FAT2: variants seen among roughly 807,000 people sequenced by gnomAD.
The protein encoded by FAT2 is FAT atypical cadherin 2.
FAT2 carries 150 observed loss-of-function variants against 295.3 expected under a neutral mutation model. The observed-to-expected ratio is 0.51, with a 90% CI of 0.44 to 0.58. The LOEUF (loss-of-function observed/expected upper bound fraction) is 0.58, where lower values mean the gene tolerates loss of function less well. Among genes scored for constraint, FAT2 ranks in the 20% least tolerant of loss-of-function variants. The pLI, the probability that FAT2 is intolerant of heterozygous loss-of-function variation, is 0.00. For synonymous variants in FAT2, 2,026 were observed against 2,150.3 expected, an observed-to-expected ratio of 0.94 and a Z score of 1.60; for missense variants, 4,868 against 5,442.7, an observed-to-expected ratio of 0.89 and a Z score of 3.32.
chr5:151,538,519 T>A (rs917293551), intron 11 of FAT2, among the ~76,000 whole-genome samples: 4 of 152,156 alleles, frequency 2.6e-5, no homozygotes, highest in African/African-American at 9.7e-5. Flanking sequence ...TCATGGCATC[T>A]GAGGGAGTGG....
Position 151,570,424 on chromosome 5 carries a change from C to A in FAT2, c.-20-1473G>T, listed in dbSNP as rs542662711. Among the ~76,000 whole-genome samples, 4 of 152,364 alleles carry A rather than the reference C, an allele frequency of 2.6e-5. No individual in the cohort carries two copies. In the South Asian group the frequency reaches 8.3e-4, roughly 32 times the overall value. ...AGTCGAGATCAGTCAAGCTCCAAGT[C>A]ACACAGTGTGTGGCCGGGTAAGAAC... On this transcript the variant is annotated intron_variant, in intron 1 of 23. Coordinates refer to ENST00000261800, the MANE Select transcript of FAT2 (RefSeq NM_001447.3).
chr5:151,540,871 C>T, intron 10 of FAT2, 108 bp from the exon 11 acceptor site: 1 of 1,017,762 alleles, frequency 9.8e-7, no homozygotes. Flanking sequence ...GTTGGGAAAG[C>T]AAACATTTCC....
rs1754198898 is a variant in FAT2 at position 151,528,022 on chromosome 5, C to A, written c.10138G>T (p.Val3380Leu). The A allele has an allele frequency of 6.2e-7, 1 of 1,614,234 alleles. No individual in the cohort carries two copies. Among genetic ancestry groups the A allele is most frequent in the Non-Finnish European group, 8.5e-7 (1 of 1,180,036 alleles). ...TGTTCCCGGTCCAGGGCCTTGGCCA[C>A]CTGTAGCTCCCCCTTTTTGGGGTGA... ...TIHPKKGELQ[V>L]AKALDREQAS... Residue 3380 changes from valine (V) to leucine (L), a missense_variant, in exon 16 of 24, where the codon GTG (valine) becomes TTG (leucine). Coordinates refer to ENST00000261800, the MANE Select transcript of FAT2 (RefSeq NM_001447.3).
chr5:151,556,201 G>A, intron 4 of FAT2, 143 bp downstream of exon 4: 1 of 698,828 alleles, frequency 1.4e-6, no homozygotes, highest in Non-Finnish European at 2.6e-6. Flanking sequence ...AAGATCCAAG[G>A]ATCATCCAGC....
In FAT2 at chr5:151,572,881, G is replaced by A. The variant is rs138007061; in HGVS notation, c.-20-3930C>T. On this transcript the variant is annotated intron_variant, in intron 1 of 23. Transcript: ENST00000261800. ...GCCACAGACTGTTCCGGGAAGCTGC[G>A]AGCAGGCACTTGTCTGGGGTGGGGC... Among the ~76,000 whole-genome samples, 515 of 152,318 alleles carry A rather than the reference G, an allele frequency of 3.4e-3. 1 individual carries two copies. The highest frequency in any genetic ancestry group is 5.7e-3 in the Non-Finnish European group (388 of 68,026).
At chr5:151,508,005 A>G (rs1324606379) in intron 22 of FAT2, among the ~76,000 whole-genome samples, 2 of 152,190 alleles carry the variant, frequency 1.3e-5, no homozygotes, top group African/African-American at 2.4e-5. Flanking sequence ...CCAGGCACCA[A>G]TGTTCCCTGC....
intron 23 of FAT2, among the ~76,000 whole-genome samples, chr5:151,506,790 A>G (rs563579932): frequency 6.6e-6 from 1 of 152,322 alleles, no homozygotes; most frequent in South Asian, 2.1e-4. Context: ...GCACTTCCAC[A>G]CTGGGCAACC....
At chr5:151,561,073 G>C (rs1004036602) in intron 3 of FAT2, among the ~76,000 whole-genome samples, 1 of 152,226 alleles carries the variant, frequency 6.6e-6, no homozygotes, top group East Asian at 1.9e-4. Context: ...ATAACGTCCT[G>C]TATGATAAAT....
chr5:151,531,562 G>C lies in FAT2; in HGVS notation c.9811+25C>G, dbSNP rs767382741. On this transcript the variant is annotated intron_variant, in intron 14 of 23. Transcript: ENST00000261800. The surrounding 1 kb of genome is among the most constrained non-coding windows in gnomAD (Gnocchi z 5.7). ...CCAGAAACCCTGTACGCGATGCTTTGGGGCTTGGTGGATCAGGCTCTCACC... is the reference window on the plus strand; with the variant it reads ...CCAGAAACCCTGTACGCGATGCTTTCGGGCTTGGTGGATCAGGCTCTCACC... 23 of 1,611,176 alleles carry C rather than the reference G, an allele frequency of 1.4e-5. No individual in the cohort carries two copies. The highest frequency in any genetic ancestry group is 1.9e-5 in the Non-Finnish European group (22 of 1,179,534).
chr5:151,573,122 T>C (rs757625132), intron 1 of FAT2, among the ~76,000 whole-genome samples: 1 of 152,136 alleles, frequency 6.6e-6, no homozygotes, highest in Non-Finnish European at 1.5e-5. Flanking sequence ...ATTTCAAAGA[T>C]GTGGAAGGCA....
chr5:151,565,282 A>G (rs1157054599), intron 2 of FAT2, among the ~76,000 whole-genome samples: 1 of 152,096 alleles, frequency 6.6e-6, no homozygotes, highest in African/African-American at 2.4e-5. Context: ...AATAAAATGA[A>G]CAATATATGA....
In FAT2 at chr5:151,554,645, G is replaced by A. The variant is rs773542893; in HGVS notation, c.3662C>T (p.Ser1221Leu). The A allele has an allele frequency of 6.2e-7, 1 of 1,613,780 alleles. No individual in the cohort carries two copies. Among genetic ancestry groups the A allele is most frequent in the African/African-American group, 1.3e-5 (1 of 74,892 alleles). The change falls in exon 5 of 24, where the codon TCA (serine) becomes TTA (leucine). Residue 1221 changes from serine to leucine, a missense_variant. Physicochemically the swap from Ser to Leu is moderately radical, Grantham distance 145. Transcript: ENST00000261800. Reference protein sequence around the residue: ...EVTVLDNGEPSLKSTSRVVVG... With the variant: ...EVTVLDNGEPLLKSTSRVVVG... ...CACCACCCTGGAGGTGGACTTCAGT[G>A]AGGGTTCCCCATTGTCCAGCACAGT...
At chr5:151,517,897 G>A in intron 19 of FAT2, 132 bp from the exon 20 acceptor site, 1 of 1,126,442 alleles carries the variant, frequency 8.9e-7, no homozygotes, top group Non-Finnish European at 1.3e-6. Context: ...AAGAAACTAG[G>A]CTGGGTGTGG....
intron 1 of FAT2, among the ~76,000 whole-genome samples, chr5:151,570,402 C>T (rs191792497): frequency 3.3e-5 from 5 of 152,332 alleles, no homozygotes; most frequent in African/African-American, 7.2e-5. Context: ...GCCCCAGAGT[C>T]GAGATCAGTC....
At chr5:151,514,851 A>G (rs1244789041) in intron 20 of FAT2, among the ~76,000 whole-genome samples, 2 of 152,200 alleles carry the variant, frequency 1.3e-5, no homozygotes, top group Non-Finnish European at 2.9e-5. Flanking sequence ...TCAAGGGTCT[A>G]CTGATTCTCC....
At chr5:151,529,837 C>G (rs1016881656) in intron 14 of FAT2, among the ~76,000 whole-genome samples, 2 of 152,258 alleles carry the variant, frequency 1.3e-5, no homozygotes, top group Middle Eastern at 3.4e-3. Flanking sequence ...CATTAATACT[C>G]AAAGTTGCCC....
rs1008763296 is a variant in FAT2, at chr5:151,531,572, G to A, written c.9811+15C>T. 8.1e-6 allele frequency: 13 copies of A among 1,611,576 alleles called. No homozygotes were observed. Among genetic ancestry groups the A allele is most frequent in the Non-Finnish European group, 8.5e-6 (10 of 1,179,752 alleles). ...TGTACGCGATGCTTTGGGGCTTGGT[G>A]GATCAGGCTCTCACCTGTGCGAGCA... On this transcript the variant is annotated intron_variant, in intron 14 of 23. Coordinates refer to ENST00000261800, the MANE Select transcript of FAT2 (RefSeq NM_001447.3). This position sits in a 1 kb window ranked among gnomAD's most constrained non-coding sequence, Gnocchi z 5.7.
rs770301701 is a variant in FAT2, at chr5:151,528,146, A to C, written c.10027-13T>G. 4 of 1,612,786 alleles carry C rather than the reference A, an allele frequency of 2.5e-6. No individual in the cohort carries two copies. In the South Asian group the frequency reaches 4.4e-5, roughly 18 times the overall value. Reference sequence around the variant, plus strand: ...CAGTCGCTGATACCTGCGGTGGGGTAGGGGGATTGTGAATGGAGGGACAGG... The same window carrying C: ...CAGTCGCTGATACCTGCGGTGGGGTCGGGGGATTGTGAATGGAGGGACAGG... On this transcript the variant is annotated splice_polypyrimidine_tract_variant and intron_variant, in intron 15 of 23. Transcript: ENST00000261800.
Position 151,566,885 on chromosome 5 carries a change from T to C in FAT2, c.2047A>G (p.Ile683Val), listed in dbSNP as rs1317093119. ...TGVLTQFTKT[I>V]LHFIGLQNQE... Reference sequence around the variant, plus strand: ...TTCTGAAGCCCAATAAAGTGGAGGATAGTCTTTGTGAATTGTGTCAATACC... The same window carrying C: ...TTCTGAAGCCCAATAAAGTGGAGGACAGTCTTTGTGAATTGTGTCAATACC... Residue 683 changes from isoleucine (I) to valine (V), a missense_variant, in exon 2 of 24, where the codon ATC (isoleucine) becomes GTC (valine). Around this residue, in one of 5 missense-constraint regions of FAT2, gnomAD observed 3,297 missense variants for 3,669.4 expected, o/e 0.90. Coordinates refer to ENST00000261800, the MANE Select transcript of FAT2 (RefSeq NM_001447.3). 6.2e-7 allele frequency: 1 copy of C among 1,614,184 alleles called. No homozygotes were observed. Among genetic ancestry groups the C allele is most frequent in the Non-Finnish European group, 8.5e-7 (1 of 1,180,024 alleles).
Sources: gnomAD v4.1 joint callset for allele counts (sites outside exome capture counted in the v4.1 genomes callset) on GRCh38, gnomAD v4.1.1 for gene constraint, gnomAD v4.1.1 regional missense constraint, Gnocchi (gnomAD v3.1) non-coding constraint, MANE v1.5 for transcripts, NCBI Gene and HGNC (gene_info 2026-07-23, HGNC 2026-07-21) for gene names.